KCNIP1: variants seen among roughly 807,000 people sequenced by gnomAD.
KCNIP1 encodes the protein potassium voltage-gated channel interacting protein 1.
A neutral mutation model predicts 33.0 loss-of-function variants in KCNIP1; 18 were observed. That is an observed-to-expected ratio of 0.55 (90% confidence interval 0.38 to 0.81). The LOEUF (loss-of-function observed/expected upper bound fraction) is 0.81. KCNIP1 is among the 30% of genes least tolerant of loss of function. The pLI, the probability that KCNIP1 is intolerant of heterozygous loss-of-function variation, is 0.00. For missense variants in KCNIP1, 238 were observed against 271.6 expected (o/e 0.88, Z 0.87); for synonymous variants, 93 against 98.3 (o/e 0.95, Z 0.32).
chr5:170,618,545 A>AGGGG (rs1485833110), intron 1 of KCNIP1, among the ~76,000 whole-genome samples: 1 of 46,070 alleles, frequency 2.2e-5, no homozygotes, highest in Non-Finnish European at 3.9e-5. Context: ...GAAAGGAGGG[A>AGGGG]GGAGGGAGGG....
At chr5:170,498,042 C>T (rs1757344421) in intron 1 of KCNIP1, among the ~76,000 whole-genome samples, 1 of 152,260 alleles carries the variant, frequency 6.6e-6, no homozygotes, top group Admixed American at 6.5e-5. Context: ...CAGATGAGGC[C>T]ATGCTTGATG....
At chr5:170,441,016 C>G (rs146225409) in intron 1 of KCNIP1, among the ~76,000 whole-genome samples, 187 of 152,302 alleles carry the variant, frequency 1.2e-3, no homozygotes, top group African/African-American at 4.3e-3. Flanking sequence ...CTCGGTCTGC[C>G]GTCGCCCTTT....
At chr5:170,559,439 C>A (rs1178195392) in intron 1 of KCNIP1, among the ~76,000 whole-genome samples, 1 of 152,092 alleles carries the variant, frequency 6.6e-6, no homozygotes, top group Non-Finnish European at 1.5e-5. Context: ...TAACTTCATG[C>A]CTTTTCTATC....
intron 1 of KCNIP1, among the ~76,000 whole-genome samples, chr5:170,372,275 A>C (rs1293170876): frequency 1.3e-5 from 2 of 152,204 alleles, no homozygotes; most frequent in African/African-American, 2.4e-5. Flanking sequence ...ACACAGGGCA[A>C]GGTATGAGGG....
intron 1 of KCNIP1, among the ~76,000 whole-genome samples, chr5:170,455,254 A>T (rs1756345777): frequency 6.6e-6 from 1 of 151,394 alleles, no homozygotes; most frequent in Admixed American, 6.6e-5. Flanking sequence ...CCACCCAACA[A>T]CAGAAGTCTT....
At chr5:170,722,031 C>A in intron 4 of KCNIP1, 128 bp downstream of exon 4, 2 of 1,098,390 alleles carry the variant, frequency 1.8e-6, no homozygotes, top group Non-Finnish European at 2.6e-6. Context: ...CATGTTTATC[C>A]ATTTGTAAGC....
At chr5:170,506,111 A>C (rs1285595033) in intron 1 of KCNIP1, among the ~76,000 whole-genome samples, 1 of 152,142 alleles carries the variant, frequency 6.6e-6, no homozygotes, top group Non-Finnish European at 1.5e-5. Flanking sequence ...AGGCCAGGGG[A>C]CTGTGGGGAC....
intron 1 of KCNIP1, among the ~76,000 whole-genome samples, chr5:170,519,481 G>A (rs1755273550): frequency 6.6e-6 from 1 of 152,168 alleles, no homozygotes; most frequent in Admixed American, 6.5e-5. Flanking sequence ...GTGGCCCTAG[G>A]GAAGTATTTC....
chr5:170,396,548 A>G (rs956582392), intron 1 of KCNIP1, among the ~76,000 whole-genome samples: 6 of 152,232 alleles, frequency 3.9e-5, no homozygotes, highest in Admixed American at 6.5e-5. Flanking sequence ...TAAGATTTAC[A>G]TTGGTTCAGC....
At chr5:170,589,221 G>A (rs546195552) in intron 1 of KCNIP1, among the ~76,000 whole-genome samples, 31 of 152,044 alleles carry the variant, frequency 2.0e-4, no homozygotes, top group African/African-American at 6.8e-4. Flanking sequence ...GTATGGTCTC[G>A]ATCTCCTGAC....
At chr5:170,492,458 G>A (rs977089138) in intron 1 of KCNIP1, among the ~76,000 whole-genome samples, 1 of 152,160 alleles carries the variant, frequency 6.6e-6, no homozygotes, top group African/African-American at 2.4e-5. Context: ...TGGTGCTTAG[G>A]GGTTTTTATG....
chr5:170,454,298 A>G (rs73800682), intron 1 of KCNIP1, among the ~76,000 whole-genome samples: 3,699 of 152,334 alleles, frequency 0.024, 120 homozygotes, highest in Admixed American at 0.093. Context: ...TAATTAACTC[A>G]CAAAAGGTGG....
intron 1 of KCNIP1, among the ~76,000 whole-genome samples, chr5:170,494,672 T>C (rs1019670319): frequency 6.6e-6 from 1 of 152,230 alleles, no homozygotes; most frequent in African/African-American, 2.4e-5. Flanking sequence ...ACAGCCACTC[T>C]TCTCTGACCC....
intron 1 of KCNIP1, chr5:170,383,499 C>T: frequency 1.4e-6 from 1 of 697,620 alleles, no homozygotes; most frequent in South Asian, 1.7e-5. Flanking sequence ...GCGGCAGATT[C>T]AAACCCAGGT....
chr5:170,544,423 C>T (rs191947302), intron 1 of KCNIP1, among the ~76,000 whole-genome samples: 339 of 152,208 alleles, frequency 2.2e-3, no homozygotes, highest in Non-Finnish European at 3.7e-3. Context: ...CTTCATTTAA[C>T]TCCTGAACAA....
intron 1 of KCNIP1, among the ~76,000 whole-genome samples, chr5:170,498,432 A>T (rs1757351809): frequency 6.6e-6 from 1 of 152,074 alleles, no homozygotes; most frequent in Admixed American, 6.5e-5. Context: ...CCCTCTGAAG[A>T]TCTATATGTC....
At chr5:170,542,973 C>G (rs1397056098) in intron 1 of KCNIP1, among the ~76,000 whole-genome samples, 7 of 152,148 alleles carry the variant, frequency 4.6e-5, no homozygotes, top group African/African-American at 1.7e-4. Context: ...AGTGCACAAG[C>G]AAATTCAATG....
chr5:170,362,324 C>G (rs993589505), intron 1 of KCNIP1, among the ~76,000 whole-genome samples: 4 of 152,208 alleles, frequency 2.6e-5, no homozygotes, highest in Non-Finnish European at 5.9e-5. Context: ...TACACTCTTT[C>G]CATTTCTGAA....
At chr5:170,467,917 CAA>C (rs55671124) in intron 1 of KCNIP1, among the ~76,000 whole-genome samples, 4 of 41,954 alleles carry the variant, frequency 9.5e-5, no homozygotes, top group Admixed American at 2.6e-4. Flanking sequence ...GATTCCATCT[CAA>C]AAAAAAAAAA....
Sources: allele counts gnomAD v4.1 joint callset (sites outside exome capture counted in the v4.1 genomes callset), GRCh38; gene constraint gnomAD v4.1.1; transcripts MANE v1.5; gene names NCBI Gene and HGNC (gene_info 2026-07-23, HGNC 2026-07-21).